Variants in ACY1 observed in about 807,000 individuals in gnomAD.
ACY1 encodes aminoacylase-1.
In ACY1, 38 loss-of-function variants were observed where a neutral mutation model predicts 53.3. The observed-to-expected ratio is 0.71, with a 90% CI of 0.55 to 0.93. The LOEUF (loss-of-function observed/expected upper bound fraction) is 0.93. Ranked by LOEUF, ACY1 falls within the 40% of genes least tolerant of loss-of-function variation. ACY1 has a pLI of 0.00. For synonymous variants in ACY1, 177 were observed against 202.1 expected, an observed-to-expected ratio of 0.88 and a Z score of 1.05; for missense variants, 484 against 540.9, an observed-to-expected ratio of 0.89 and a Z score of 1.04.
chr3:51,986,100 G>A, intron 5 of ACY1, 154 bp downstream of exon 5: 1 of 1,071,542 alleles, frequency 9.3e-7, no homozygotes, highest in Non-Finnish European at 1.4e-6. Flanking sequence ...TGGATAGGGA[G>A]ATTCAGACCA....
chr3:51,985,748 C>T (rs1381699073), intron 4 of ACY1, 104 bp from the exon 5 acceptor site: 5 of 1,002,506 alleles, frequency 5.0e-6, no homozygotes, highest in Non-Finnish European at 7.7e-6. Context: ...CTCCACCTGT[C>T]ACTCCAACCC....
chr3:51,986,526 T>A, intron 7 of ACY1, 22 bp downstream of exon 7: 1 of 1,614,126 alleles, frequency 6.2e-7, no homozygotes, highest in Non-Finnish European at 8.5e-7. Context: ...GGCAAGCCAA[T>A]GAGCAGCCAG....
chr3:51,988,253 G>A (rs973595919), intron 12 of ACY1: 2 of 564,938 alleles, frequency 3.5e-6, no homozygotes, highest in Non-Finnish European at 6.4e-6. Flanking sequence ...TAGTCTGAGA[G>A]GTCTGGGGGA....
chr3:51,984,464 G>A, intron 2 of ACY1: 2 of 473,154 alleles, frequency 4.2e-6, no homozygotes, highest in South Asian at 4.2e-5. Context: ...AGGGAAAGGA[G>A]AGGCCCTCCA....
At position 51,987,296 on chromosome 3, in the gene ACY1, C is replaced by T; in HGVS notation, c.708-13C>T. 1.2e-6 allele frequency: 2 copies of T among 1,614,054 alleles called. No individual in the cohort carries two copies. Among genetic ancestry groups the T allele is most frequent in the Non-Finnish European group, 1.7e-6 (2 of 1,180,022 alleles). On this transcript the variant is annotated splice_polypyrimidine_tract_variant and intron_variant, in intron 10 of 14. Coordinates refer to ENST00000636358, the MANE Select transcript of ACY1 (RefSeq NM_000666.3). ...TTATCTGTTGCTGCCGCTACCCTGC[C>T]CCCACACCACAGGCTGCAGTCAAAC...
rs988358877 is a variant in ACY1, at chr3:51,987,763, G to A, written c.921+139G>A. 3 of 982,414 alleles carry A rather than the reference G, an allele frequency of 3.1e-6. No individual in the cohort carries two copies. The Admixed American group carries it at 6.9e-5, about 23-fold the overall frequency. The allele number at this position is 982,414 out of a possible 1,614,324, so 60.9% of individuals were successfully genotyped here. On this transcript the variant is annotated intron_variant, in intron 12 of 14. Coordinates refer to ENST00000636358, the MANE Select transcript of ACY1 (RefSeq NM_000666.3). ...TGACAGACACATTTTATTCCAACAA[G>A]CATTCATTGTAGAGGCCACTGTGGG... is the stretch of plus-strand genomic sequence containing the variant.
chr3:51,988,786 A>AG lies in ACY1; in HGVS notation c.1023dup (p.Ile342AspfsTer7), dbSNP rs1559782312. The stretch of plus-strand genomic sequence containing the variant: ...TACAGGAACCTCACTCTGGAGCCTG[A>AG]GATCATGCCTGCTGCCACTGACAAC... On this transcript the variant is annotated frameshift_variant, in exon 14 of 15. Transcript: ENST00000636358. LOFTEE classifies it high-confidence loss of function. 2 of 1,613,964 alleles carry AG rather than the reference A, an allele frequency of 1.2e-6. No homozygotes were observed. The highest frequency in any genetic ancestry group is 3.3e-5 in the Admixed American group (2 of 60,000).
chr3:51,986,104 C>T (rs1559779756), intron 5 of ACY1, 151 bp from the exon 6 acceptor site: 2 of 1,081,118 alleles, frequency 1.8e-6, no homozygotes, highest in East Asian at 5.2e-5. Flanking sequence ...TAGGGAGATT[C>T]AGACCAGAGA....
Position 51,988,594 on chromosome 3 carries a change from G to A in ACY1, c.992G>A (p.Cys331Tyr), listed in dbSNP as rs774665962. The change falls in exon 13 of 15, where the codon TGC becomes TAC. Residue 331 changes from cysteine (C) to tyrosine (Y), a missense_variant. Cys to Tyr is a radical substitution (Grantham distance 194). Transcript: ENST00000636358. Reference protein sequence around the residue: ...NPWWAAFSRVCKDMNLTLEPE... With the variant: ...NPWWAAFSRVYKDMNLTLEPE... The stretch of plus-strand genomic sequence containing the variant: ...TGGTGGGCAGCTTTTAGCCGGGTCT[G>A]CAAGGATATGTGAGCACGCTGGCCA... 3.7e-6 allele frequency: 6 copies of A among 1,614,170 alleles called. No homozygotes were observed. The South Asian group carries it at 6.6e-5, about 18-fold the overall frequency.
chr3:51,987,668 G>C (rs1290117742), intron 12 of ACY1, 44 bp downstream of exon 12: 1 of 1,600,156 alleles, frequency 6.2e-7, no homozygotes, highest in Non-Finnish European at 8.5e-7. Flanking sequence ...GGAGCCGGGG[G>C]AGACCCAAGT....
intron 8 of ACY1, 155 bp downstream of exon 8, chr3:51,986,816 C>A: frequency 7.9e-7 from 1 of 1,273,520 alleles, no homozygotes; most frequent in Non-Finnish European, 1.1e-6. Context: ...CTGAGCTTCT[C>A]TGAGGGCAAG....
At position 51,985,920 on chromosome 3, in the gene ACY1, C is replaced by T. The variant is rs1701039180; in HGVS notation, c.333C>T (p.Ala111=). The change falls in exon 5 of 15, where the codon GCC becomes GCT. Residue 111 remains alanine, a synonymous_variant. Coordinates refer to ENST00000636358, the MANE Select transcript of ACY1 (RefSeq NM_000666.3). ...DSEGYIYARG[A]QDMKCVSIQY... ...AGGGCTACATCTATGCCAGGGGTGC[C>T]CAGGACATGAAGTGCGTCAGCATCC... 6.2e-7 allele frequency: 1 copy of T among 1,612,948 alleles called. No homozygotes were observed. The highest frequency in any genetic ancestry group is 8.5e-7 in the Non-Finnish European group (1 of 1,179,518).
intron 14 of ACY1, 42 bp downstream of exon 14, chr3:51,988,868 T>C (rs367975670): frequency 7.3e-5 from 118 of 1,614,106 alleles, no homozygotes; most frequent in Non-Finnish European, 8.8e-5. Flanking sequence ...GGACTGGGCC[T>C]GAGTGCTGGC....
chr3:51,985,578 C>G (rs1313903590), intron 4 of ACY1, 113 bp downstream of exon 4: 2 of 1,009,634 alleles, frequency 2.0e-6, no homozygotes, highest in East Asian at 5.0e-5. Flanking sequence ...CTGACACTAA[C>G]TCTCAACATC....
chr3:51,987,460 C>T lies in ACY1; in HGVS notation c.852+7C>T. 6.2e-7 allele frequency: 1 copy of T among 1,614,164 alleles called. No individual in the cohort carries two copies. Among genetic ancestry groups the T allele is most frequent in the East Asian group, 2.2e-5 (1 of 44,886 alleles). On this transcript the variant is annotated splice_region_variant and intron_variant, in intron 11 of 14. Transcript: ENST00000636358. Reference sequence around the variant, plus strand: ...ACCGGATGTGGACTTCAAGGTGCCACCTCCACCTGGGTTTGGAGGAGGGAT... The same window carrying T: ...ACCGGATGTGGACTTCAAGGTGCCATCTCCACCTGGGTTTGGAGGAGGGAT...
At chr3:51,987,863 C>A (rs1335307795) in intron 12 of ACY1, 5 of 534,914 alleles carry the variant, frequency 9.3e-6, no homozygotes, top group Middle Eastern at 9.1e-4. Flanking sequence ...AGATATAAAT[C>A]AAACATTTAT....
intron 2 of ACY1, 176 bp from the exon 3 acceptor site, chr3:51,985,031 G>A: frequency 1.4e-6 from 1 of 718,680 alleles, no homozygotes. Context: ...AAGGGTCACT[G>A]AGTAGCCAAA....
At chr3:51,986,844 C>T (rs1471618978) in intron 8 of ACY1, 144 bp from the exon 9 acceptor site, 2 of 1,236,078 alleles carry the variant, frequency 1.6e-6, no homozygotes, top group South Asian at 2.6e-5. Context: ...TGGGCAGAAA[C>T]CAGCTGTATG....
intron 3 of ACY1, 25 bp from the exon 4 acceptor site, chr3:51,985,336 C>G: frequency 6.2e-7 from 1 of 1,614,014 alleles, no homozygotes; most frequent in Non-Finnish European, 8.5e-7. Context: ...CTGCTCAGAC[C>G]ACCTACCCTC....
Sources: gnomAD v4.1 joint callset for allele counts on GRCh38, gnomAD v4.1.1 for gene constraint, MANE v1.5 for transcripts, NCBI Gene and HGNC (gene_info 2026-07-23, HGNC 2026-07-21) for gene names.